Variants in CABLES1 observed in about 807,000 individuals in gnomAD.
CABLES1 encodes CDK5 and ABL1 enzyme substrate 1.
Under a neutral mutation model 57.8 loss-of-function variants are expected in CABLES1, and 36 were observed. The observed-to-expected ratio is 0.62, with a 90% CI of 0.48 to 0.82. The LOEUF is 0.82. Ranked by LOEUF, CABLES1 falls within the 40% of genes least tolerant of loss-of-function variation. The pLI, the probability that CABLES1 is intolerant of heterozygous loss-of-function variation, is 0.00. For synonymous variants in CABLES1, 374 were observed against 363.0 expected, an observed-to-expected ratio of 1.03 and a Z score of -0.35; for missense variants, 767 against 836.6, an observed-to-expected ratio of 0.92 and a Z score of 1.03.
At chr18:23,219,126 C>T in intron 4 of CABLES1, 1 of 452,580 alleles carries the variant, frequency 2.2e-6, no homozygotes, top group South Asian at 1.6e-5. Flanking sequence ...GCAGAATTCA[C>T]TCACCTGCAG....
At chr18:23,255,388 T>G (rs1415835307) in intron 9 of CABLES1, among the ~76,000 whole-genome samples, 2 of 152,138 alleles carry the variant, frequency 1.3e-5, no homozygotes, top group East Asian at 1.9e-4. Flanking sequence ...CTAAGGTAGG[T>G]ACTCCCCAAT....
At chr18:23,153,883 T>G (rs140522421) in intron 1 of CABLES1, among the ~76,000 whole-genome samples, 1 of 152,088 alleles carries the variant, frequency 6.6e-6, no homozygotes, top group African/African-American at 2.4e-5. Context: ...ATATAAAAAT[T>G]AGCTGAGTGT....
intron 1 of CABLES1, among the ~76,000 whole-genome samples, chr18:23,147,960 G>A (rs928055718): frequency 6.1e-5 from 9 of 148,260 alleles, no homozygotes; most frequent in African/African-American, 2.0e-4. Context: ...CATGGTCTGC[G>A]TGCTGCCTGC....
At chr18:23,160,578 G>C (rs975886959) in intron 1 of CABLES1, among the ~76,000 whole-genome samples, 1 of 152,172 alleles carries the variant, frequency 6.6e-6, no homozygotes, top group Non-Finnish European at 1.5e-5. Flanking sequence ...CAGAAAGCCT[G>C]GCCTGGTGGG....
chr18:23,166,583 CAG>C (rs1194363577), intron 1 of CABLES1, among the ~76,000 whole-genome samples: 1 of 152,094 alleles, frequency 6.6e-6, no homozygotes, highest in African/African-American at 2.4e-5. Context: ...GGAAAAATAA[CAG>C]AGAAATTCAA....
rs755303226 is a variant in CABLES1, at chr18:23,136,032, GGGCGGCGCGGCCAAGCCGGGCGCC to G, written c.279_302del (p.Ala94_Ala101del). ...ACGCGGAGTGGGGCGGTGGCGAGGA[GGGCGGCGCGGCCAAGCCGGGCGCC>G]GGCGGCGCCTGCGGCGCGAGGACTC... On this transcript the variant is annotated inframe_deletion, in exon 1 of 10. Coordinates refer to ENST00000256925, the MANE Select transcript of CABLES1 (RefSeq NM_001100619.3). 13 of 1,136,692 alleles carry G rather than the reference GGGCGGCGCGGCCAAGCCGGGCGCC, an allele frequency of 1.1e-5. 1 individual carries two copies. The highest frequency in any genetic ancestry group is 6.7e-5 in the African/African-American group (4 of 59,978). 70.4% of individuals were successfully genotyped at this position (1,136,692 alleles called of 1,614,324 possible).
intron 1 of CABLES1, among the ~76,000 whole-genome samples, chr18:23,188,597 C>T (rs1202013488): frequency 6.8e-6 from 1 of 146,346 alleles, no homozygotes; most frequent in Non-Finnish European, 1.5e-5. Flanking sequence ...TCAAAAGGAT[C>T]AGTCACTTCC....
chr18:23,207,981 C>T (rs1312691017), intron 3 of CABLES1, among the ~76,000 whole-genome samples: 1 of 152,214 alleles, frequency 6.6e-6, no homozygotes, highest in East Asian at 1.9e-4. Context: ...CTCATGCCCC[C>T]CAGTTCCCTG....
intron 1 of CABLES1, among the ~76,000 whole-genome samples, chr18:23,138,953 C>G (rs549145972): frequency 6.6e-6 from 1 of 152,136 alleles, no homozygotes; most frequent in South Asian, 2.1e-4. Flanking sequence ...CTCCAGACTA[C>G]GTGAGTCCAG....
intron 3 of CABLES1, chr18:23,197,463 C>T (rs994167508): frequency 1.6e-4 from 25 of 152,240 alleles, no homozygotes; most frequent in Admixed American, 1.4e-3. Context: ...GGCATTGGGA[C>T]CTTCTAGAGG....
chr18:23,203,962 G>A (rs1046344883), intron 3 of CABLES1, among the ~76,000 whole-genome samples: 1 of 152,214 alleles, frequency 6.6e-6, no homozygotes, highest in Middle Eastern at 3.4e-3. Context: ...GTCATCATCG[G>A]TGTTTATGAT....
chr18:23,197,595 A>ATGGAGCGGAGGGAATGTCAGTACCAC (rs2047293824), intron 3 of CABLES1: 2 of 152,244 alleles, frequency 1.3e-5, no homozygotes, highest in Non-Finnish European at 2.9e-5. Context: ...GACCAGCCAG[A>ATGGAGCGGAGGGAATGTCAGTACCAC]TGGAGCGGAG....
At chr18:23,205,409 G>T (rs1048544037) in intron 3 of CABLES1, among the ~76,000 whole-genome samples, 1 of 152,070 alleles carries the variant, frequency 6.6e-6, no homozygotes, top group African/African-American at 2.4e-5. Context: ...GGCCAGGCTG[G>T]TCTTGAACTG....
At chr18:23,255,322 T>C (rs919953142) in intron 9 of CABLES1, among the ~76,000 whole-genome samples, 3 of 83,598 alleles carry the variant, frequency 3.6e-5, no homozygotes, top group African/African-American at 1.8e-4. Flanking sequence ...AGTGCCCCCA[T>C]ATGTCTCACT....
intron 7 of CABLES1, among the ~76,000 whole-genome samples, chr18:23,243,401 A>C (rs968896891): frequency 6.6e-6 from 1 of 151,010 alleles, no homozygotes; most frequent in African/African-American, 2.4e-5. Context: ...AAGTGTTCAC[A>C]TCAAGGCCTG....
In CABLES1 at chr18:23,170,258, C is replaced by T. The variant is rs562192520; in HGVS notation, c.846-18580C>T. On this transcript the variant is annotated intron_variant, in intron 1 of 9. Transcript: ENST00000256925. ...GTAAAGCCCTTAGCAGAGTGCATGG[C>T]GCAAATTGTTCCCAAAAGGAAATAT... Among the ~76,000 whole-genome samples, 20 of 152,286 alleles carry T rather than the reference C, an allele frequency of 1.3e-4. No homozygotes were observed. In the East Asian group the frequency reaches 2.3e-3, roughly 18 times the overall value.
At chr18:23,188,141 AACTAGG>A (rs2047216271) in intron 1 of CABLES1, among the ~76,000 whole-genome samples, 1 of 152,228 alleles carries the variant, frequency 6.6e-6, no homozygotes, top group Non-Finnish European at 1.5e-5. Flanking sequence ...ATTCTTAGTT[AACTAGG>A]ACCTGTTCTT....
At chr18:23,246,654 G>C (rs991571317) in intron 7 of CABLES1, among the ~76,000 whole-genome samples, 1 of 151,652 alleles carries the variant, frequency 6.6e-6, no homozygotes, top group Admixed American at 6.6e-5. Flanking sequence ...GCCTCCCAAA[G>C]TGCTGGGATT....
chr18:23,227,463 T>C (rs1181611491), intron 4 of CABLES1, among the ~76,000 whole-genome samples: 1 of 152,222 alleles, frequency 6.6e-6, no homozygotes, highest in Non-Finnish European at 1.5e-5. Flanking sequence ...TGTCTGCCAG[T>C]TGCCCTTGCA....
Sources: allele counts gnomAD v4.1 joint callset (sites outside exome capture counted in the v4.1 genomes callset), GRCh38; gene constraint gnomAD v4.1.1; transcripts MANE v1.5; gene names NCBI Gene and HGNC (gene_info 2026-07-23, HGNC 2026-07-21).